Variants in MDFIC2 observed in about 807,000 individuals in gnomAD.
MDFIC2 encodes the protein myoD family inhibitor domain-containing protein 2.
chr3:70,257,254 T>A (rs1359362893), intron 2 of MDFIC2, among the ~76,000 whole-genome samples: 1 of 152,218 alleles, frequency 6.6e-6, no homozygotes, highest in East Asian at 1.9e-4. Flanking sequence ...ACCTGGCACA[T>A]CTGGCCATTC....
chr3:70,250,411 T>TCACACACA lies in MDFIC2; in HGVS notation c.89-43629_89-43622dup, dbSNP rs61355248. Among the ~76,000 whole-genome samples, 317 of 124,950 alleles carry TCACACACA rather than the reference T, an allele frequency of 2.5e-3. 1 individual carries two copies. The highest frequency in any genetic ancestry group is 0.015 in the East Asian group (39 of 2,616). The allele number at this position is 124,950 out of a possible 152,430, so 82.0% of individuals were successfully genotyped here. ...TTCGGTATTTTTCTTTTAATGAATC[T>TCACACACA]CACACACACACACACACACACACAC... On this transcript the variant is annotated intron_variant, in intron 2 of 3. Transcript: ENST00000567252.
At chr3:70,238,521 G>A (rs1012120764) in intron 2 of MDFIC2, among the ~76,000 whole-genome samples, 1 of 151,892 alleles carries the variant, frequency 6.6e-6, no homozygotes, top group African/African-American at 2.4e-5. Context: ...GCAGATGTAG[G>A]AGATCTATTA....
At chr3:70,311,114 T>C (rs1387922840) in intron 2 of MDFIC2, among the ~76,000 whole-genome samples, 1 of 152,236 alleles carries the variant, frequency 6.6e-6, no homozygotes, top group African/African-American at 2.4e-5. Flanking sequence ...TAGAGTTTCC[T>C]ACAACCTTAT....
chr3:70,239,796 G>A (rs889880073), intron 2 of MDFIC2, among the ~76,000 whole-genome samples: 20 of 152,132 alleles, frequency 1.3e-4, no homozygotes, highest in Non-Finnish European at 2.6e-4. Context: ...ATACAGTGAC[G>A]TCTCGTTCAA....
chr3:70,282,992 T>G (rs190942164), intron 2 of MDFIC2, among the ~76,000 whole-genome samples: 2 of 152,132 alleles, frequency 1.3e-5, no homozygotes, highest in Admixed American at 1.3e-4. Flanking sequence ...AAGAAAAAAA[T>G]GGAGCAGGAG....
intron 2 of MDFIC2, among the ~76,000 whole-genome samples, chr3:70,253,881 T>C (rs1701791201): frequency 6.6e-6 from 1 of 152,146 alleles, no homozygotes; most frequent in Non-Finnish European, 1.5e-5. Context: ...TTCCTGGAGA[T>C]AAAACTTTTT....
chr3:70,213,567 G>C (rs1701370755), intron 2 of MDFIC2, among the ~76,000 whole-genome samples: 1 of 152,080 alleles, frequency 6.6e-6, no homozygotes, highest in Non-Finnish European at 1.5e-5. Flanking sequence ...ACATTTCAAG[G>C]TATAAGCTAC....
chr3:70,204,587 A>G (rs920101132), intron 3 of MDFIC2: 2 of 152,102 alleles, frequency 1.3e-5, no homozygotes, highest in Non-Finnish European at 2.9e-5. Context: ...TTTCTTGGAA[A>G]TGACCTAATT....
intron 2 of MDFIC2, among the ~76,000 whole-genome samples, chr3:70,299,032 C>A (rs1009658327): frequency 6.6e-6 from 1 of 152,072 alleles, no homozygotes; most frequent in Non-Finnish European, 1.5e-5. Flanking sequence ...GTGAGGATCT[C>A]ACGTGGTGCT....
At chr3:70,203,951 A>T (rs1701266809) in intron 3 of MDFIC2, among the ~76,000 whole-genome samples, 1 of 152,152 alleles carries the variant, frequency 6.6e-6, no homozygotes, top group African/African-American at 2.4e-5. Context: ...AAGGGACCAC[A>T]CACGATGAAC....
At chr3:70,306,909 T>C (rs1420138884) in intron 2 of MDFIC2, among the ~76,000 whole-genome samples, 3 of 152,176 alleles carry the variant, frequency 2.0e-5, no homozygotes, top group Non-Finnish European at 4.4e-5. Context: ...TATATGCATA[T>C]ATATGTACAT....
At chr3:70,256,303 G>A (rs1423910620) in intron 2 of MDFIC2, among the ~76,000 whole-genome samples, 2 of 152,164 alleles carry the variant, frequency 1.3e-5, no homozygotes, top group African/African-American at 4.8e-5. Flanking sequence ...AGAGAGAAAT[G>A]TACTCGTTAT....
intron 2 of MDFIC2, among the ~76,000 whole-genome samples, chr3:70,207,273 A>G (rs896936084): frequency 3.3e-5 from 5 of 152,098 alleles, no homozygotes; most frequent in Admixed American, 2.0e-4. Context: ...AAAAATGCAT[A>G]TAAATGAATA....
At chr3:70,279,024 A>G (rs1303901587) in intron 2 of MDFIC2, among the ~76,000 whole-genome samples, 3 of 151,114 alleles carry the variant, frequency 2.0e-5, no homozygotes, top group Admixed American at 6.6e-5. Context: ...GCCTATCAGT[A>G]TCTAATTTTC....
intron 2 of MDFIC2, chr3:70,249,695 C>G (rs1415081308): frequency 6.6e-6 from 1 of 152,152 alleles, no homozygotes; most frequent in Non-Finnish European, 1.5e-5. Context: ...TCATTTATTT[C>G]CCGCCTTCCC....
rs910613957 is a variant in MDFIC2, at chr3:70,302,160, A to G, written c.88+9726T>C. On this transcript the variant is annotated intron_variant, in intron 2 of 3. Transcript: ENST00000567252. ...TGCTTTTCATCTTTGCTGCACATTTACTTCTCGACAGGCTTAAATAATGGC... is the reference window on the plus strand; with the variant it reads ...TGCTTTTCATCTTTGCTGCACATTTGCTTCTCGACAGGCTTAAATAATGGC... Among the ~76,000 whole-genome samples, 11 of 152,240 alleles carry G rather than the reference A, an allele frequency of 7.2e-5. No homozygotes were observed. The East Asian group carries it at 9.6e-4, about 13-fold the overall frequency.
chr3:70,232,458 G>T (rs943639760), intron 2 of MDFIC2, among the ~76,000 whole-genome samples: 1 of 151,368 alleles, frequency 6.6e-6, no homozygotes, highest in Non-Finnish European at 1.5e-5. Context: ...CTGGAGTGCA[G>T]TGGCAATCTT....
intron 2 of MDFIC2, among the ~76,000 whole-genome samples, chr3:70,230,140 G>A (rs1028859217): frequency 4.6e-5 from 7 of 152,120 alleles, no homozygotes; most frequent in African/African-American, 7.2e-5. Context: ...TGGTCAGGCC[G>A]AAATTGAAAT....
At chr3:70,276,404 A>G (rs907403257) in intron 2 of MDFIC2, among the ~76,000 whole-genome samples, 1 of 152,204 alleles carries the variant, frequency 6.6e-6, no homozygotes, top group East Asian at 1.9e-4. Context: ...GATTATAAGT[A>G]AACATTGTAA....
Sources: allele counts gnomAD v4.1 joint callset (sites outside exome capture counted in the v4.1 genomes callset), GRCh38; gene constraint gnomAD v4.1.1; transcripts MANE v1.5; gene names NCBI Gene and HGNC (gene_info 2026-07-23, HGNC 2026-07-21).